Variants in STXBP4 observed in about 807,000 individuals in gnomAD.
STXBP4 encodes syntaxin binding protein 4.
STXBP4 carries 55 observed loss-of-function variants against 76.1 expected under a neutral mutation model. The observed-to-expected ratio is 0.72, with a 90% CI of 0.58 to 0.91. STXBP4 has a LOEUF of 0.91. Ranked by LOEUF, STXBP4 falls within the 40% of genes least tolerant of loss-of-function variation. The probability of loss-of-function intolerance (pLI) is 0.00; values close to 1 mark genes in which losing one functional copy is unlikely to be tolerated. For missense variants in STXBP4, 618 were observed against 636.9 expected (o/e 0.97, Z 0.32); for synonymous variants, 201 against 220.2 (o/e 0.91, Z 0.77).
At chr17:55,152,243 CT>C (rs2080224851) in intron 17 of STXBP4, among the ~76,000 whole-genome samples, 1 of 152,008 alleles carries the variant, frequency 6.6e-6, no homozygotes, top group South Asian at 2.1e-4. Context: ...GACACTGGGG[CT>C]ATAAAGATGA....
At chr17:54,990,265 T>C (rs1346643614) in intron 3 of STXBP4, among the ~76,000 whole-genome samples, 1 of 148,260 alleles carries the variant, frequency 6.7e-6, no homozygotes, top group Admixed American at 6.7e-5. Flanking sequence ...AGACTGGTAG[T>C]GGTCCGTAGT....
At chr17:55,175,014 T>G (rs936281872), downstream of STXBP4, among the ~76,000 whole-genome samples, 3 of 150,114 alleles carry the variant, frequency 2.0e-5, no homozygotes, top group African/African-American at 7.5e-5. Flanking sequence ...AGAGCGAGAC[T>G]CCATCTCAAA....
chr17:55,094,912 A>C (rs1670172992), intron 16 of STXBP4, among the ~76,000 whole-genome samples: 1 of 152,204 alleles, frequency 6.6e-6, no homozygotes, highest in African/African-American at 2.4e-5. Flanking sequence ...AATCAATCCC[A>C]AAGCTCCCAC....
chr17:55,004,745 C>T (rs1229399512), intron 7 of STXBP4, among the ~76,000 whole-genome samples: 3 of 136,938 alleles, frequency 2.2e-5, no homozygotes, highest in African/African-American at 5.5e-5. Context: ...GAGGAGGAGG[C>T]GGGGAGGAGG....
intron 4 of STXBP4, among the ~76,000 whole-genome samples, chr17:54,995,459 T>C (rs2077785213): frequency 6.6e-6 from 1 of 152,236 alleles, no homozygotes; most frequent in Non-Finnish European, 1.5e-5. Context: ...CATTAAAACA[T>C]ATACATATAA....
At chr17:55,023,916 C>CAAAAAAAAAA (rs61454264) in intron 8 of STXBP4, among the ~76,000 whole-genome samples, 50 of 62,216 alleles carry the variant, frequency 8.0e-4, no homozygotes, top group Non-Finnish European at 1.0e-3. Flanking sequence ...GGCCCTTTTC[C>CAAAAAAAAAA]AAAAAAAAAA....
chr17:55,005,520 A>T (rs1274853838), intron 7 of STXBP4, among the ~76,000 whole-genome samples: 1 of 152,180 alleles, frequency 6.6e-6, no homozygotes, highest in African/African-American at 2.4e-5. Flanking sequence ...ACTGTTAGAG[A>T]TAGCAAATTT....
At chr17:55,211,086 G>A in the STXBP4 span, among the ~76,000 whole-genome samples, 4 of 151,568 alleles carry the variant, frequency 2.6e-5, no homozygotes, top group South Asian at 2.1e-4. Context: ...GACTTTTATC[G>A]TGAAATGCCC....
Position 54,999,662 on chromosome 17 carries a change from A to G in STXBP4, c.318A>G (p.Ile106Met). Residue 106 changes from isoleucine (I) to methionine (M), a missense_variant, in exon 6 of 18, where the codon ATA becomes ATG. Ile to Met is a conservative substitution (Grantham distance 10). Coordinates refer to ENST00000376352, the MANE Select transcript of STXBP4 (RefSeq NM_178509.6). ...RLESAWEIAFIRQKSDNIQPE... is the reference protein window; with the variant it reads ...RLESAWEIAFMRQKSDNIQPE... The stretch of plus-strand genomic sequence containing the variant: ...AATCTGCTTGGGAGATAGCATTCAT[A>G]AGACAAAAATCCGACAACATTCAGC... The G allele has an allele frequency of 6.2e-7, 1 of 1,613,766 alleles. No individual in the cohort carries two copies. Among genetic ancestry groups the G allele is most frequent in the Non-Finnish European group, 8.5e-7 (1 of 1,179,814 alleles).
chr17:55,198,034 G>A, the STXBP4 span, among the ~76,000 whole-genome samples: 9 of 152,316 alleles, frequency 5.9e-5, no homozygotes, highest in South Asian at 6.2e-4. Flanking sequence ...CCCGAGTAGC[G>A]GCTCAAGGGC....
chr17:54,983,092 A>G (rs1438435240), intron 1 of STXBP4, among the ~76,000 whole-genome samples: 1 of 152,172 alleles, frequency 6.6e-6, no homozygotes, highest in Non-Finnish European at 1.5e-5. Context: ...CTGTGGGAAG[A>G]AAATCCTGTA....
chr17:55,044,843 T>C (rs1244819053), intron 11 of STXBP4: 1 of 151,998 alleles, frequency 6.6e-6, no homozygotes, highest in Non-Finnish European at 1.5e-5. Context: ...TTTTACAACT[T>C]GCCTTCTTTT....
At chr17:54,969,874 TAATC>T (rs768059501) in intron 1 of STXBP4, among the ~76,000 whole-genome samples, 6 of 152,106 alleles carry the variant, frequency 3.9e-5, no homozygotes, top group Non-Finnish European at 8.8e-5. Context: ...ACTCAGAAAA[TAATC>T]AAGTAACAGT....
In STXBP4 at chr17:55,047,088, G is replaced by A. The variant is rs191417548; in HGVS notation, c.946-1G>A. ...GTTAATTTGGTGGTTTTTAAATATA[G>A]GAAAAATTATTGGAATCAGATAAGC... is the stretch of plus-strand genomic sequence containing the variant. On this transcript the variant is annotated splice_acceptor_variant, in intron 11 of 17. Transcript: ENST00000376352. LOFTEE classifies it high-confidence loss of function. 6.3e-7 allele frequency: 1 copy of A among 1,594,806 alleles called. No homozygotes were observed. Among genetic ancestry groups the A allele is most frequent in the Non-Finnish European group, 8.6e-7 (1 of 1,165,340 alleles).
chr17:54,981,624 A>G (rs563122781), intron 1 of STXBP4, among the ~76,000 whole-genome samples: 1 of 152,294 alleles, frequency 6.6e-6, no homozygotes, highest in South Asian at 2.1e-4. Context: ...AGAAAATATG[A>G]GAGAATTCTT....
intron 1 of STXBP4, among the ~76,000 whole-genome samples, chr17:54,972,995 A>C (rs2077421950): frequency 6.6e-6 from 1 of 152,234 alleles, no homozygotes; most frequent in Non-Finnish European, 1.5e-5. Context: ...ACTCAGCAAG[A>C]CAAAAGTGAC....
rs1037198996 is a variant in STXBP4, at chr17:55,170,399, CCAA to C, written c.*10491_*10493del. ...AAACAGATCTGTATACAATATAAAA[CCAA>C]CAGTATTGTATATATAAACACCATA... On this transcript the variant is annotated 3_prime_UTR_variant, in exon 18 of 18. Transcript: ENST00000376352. 6.6e-6 allele frequency: 1 copy of C among 151,734 alleles called. No individual in the cohort carries two copies. The highest frequency in any genetic ancestry group is 6.6e-5 in the Admixed American group (1 of 15,236). The allele number at this position is 151,734 out of a possible 1,614,324, so 9.4% of individuals were successfully genotyped here. A position where few individuals can be genotyped will look rare whatever the true frequency, so the allele number is the denominator to read the frequency against.
chr17:55,016,149 T>G (rs1213483393), intron 8 of STXBP4, among the ~76,000 whole-genome samples: 1 of 152,176 alleles, frequency 6.6e-6, no homozygotes, highest in Non-Finnish European at 1.5e-5. Flanking sequence ...GCATTAGTCC[T>G]AGAGCGTCCT....
chr17:55,046,751 A>G (rs2078794892), intron 11 of STXBP4, among the ~76,000 whole-genome samples: 1 of 151,950 alleles, frequency 6.6e-6, no homozygotes, highest in African/African-American at 2.4e-5. Context: ...ATTTGTAATA[A>G]TAATGCTCTT....
Sources: gnomAD v4.1 joint callset for allele counts (sites outside exome capture counted in the v4.1 genomes callset) on GRCh38, gnomAD v4.1.1 for gene constraint, MANE v1.5 for transcripts, NCBI Gene and HGNC (gene_info 2026-07-23, HGNC 2026-07-21) for gene names.